CLIP1: variants seen among roughly 807,000 people sequenced by gnomAD.
CLIP1 encodes CAP-Gly domain-containing linker protein 1.
A neutral mutation model predicts 161.6 loss-of-function variants in CLIP1; 66 were observed. The ratio of observed to expected loss-of-function variants is 0.41; its 90% confidence interval spans 0.33 to 0.50. The LOEUF (loss-of-function observed/expected upper bound fraction) is 0.50. Ranked by LOEUF, CLIP1 falls within the 20% of genes least tolerant of loss-of-function variation. The pLI is 0.27. For synonymous variants in CLIP1, 598 were observed against 626.2 expected (o/e 0.96, Z 0.67); for missense variants, 1,376 against 1,702.0 (o/e 0.81, Z 3.37).
intron 1 of CLIP1, among the ~76,000 whole-genome samples, chr12:122,418,600 A>AT (rs896963282): frequency 2.0e-5 from 3 of 152,012 alleles, no homozygotes; most frequent in Non-Finnish European, 4.4e-5. Flanking sequence ...AGGAAAAAAA[A>AT]TTTTTTTAAT....
chr12:122,294,221 T>C (rs1313255987), intron 20 of CLIP1, among the ~76,000 whole-genome samples: 2 of 147,664 alleles, frequency 1.4e-5, no homozygotes, highest in African/African-American at 2.5e-5. Flanking sequence ...CCCAGCTACT[T>C]GGGAGGCTGA....
At chr12:122,415,397 C>G (rs867721159) in intron 1 of CLIP1, among the ~76,000 whole-genome samples, 10 of 149,334 alleles carry the variant, frequency 6.7e-5, no homozygotes, top group Non-Finnish European at 1.2e-4. Context: ...CAGGAGAATG[C>G]CGTGAACCTG....
chr12:122,291,563 G>A (rs892556255), intron 20 of CLIP1, among the ~76,000 whole-genome samples: 24 of 152,028 alleles, frequency 1.6e-4, no homozygotes, highest in African/African-American at 4.6e-4. Flanking sequence ...TTTCTAGAAC[G>A]TCAGTTTGGA....
chr12:122,422,714 G>GCGAC (rs1555289333), upstream of CLIP1: 2 of 92,156 alleles, frequency 2.2e-5, no homozygotes, highest in Admixed American at 2.2e-4. Context: ...CTCCGCCGCC[G>GCGAC]CGCCCGCCCG....
At chr12:122,306,105 C>A (rs1355861823) in intron 20 of CLIP1, among the ~76,000 whole-genome samples, 1 of 151,154 alleles carries the variant, frequency 6.6e-6, no homozygotes, top group Non-Finnish European at 1.5e-5. Flanking sequence ...ACTGGTTTAG[C>A]CTCCCAGCCT....
intron 19 of CLIP1, among the ~76,000 whole-genome samples, chr12:122,310,205 C>G (rs1316866649): frequency 1.3e-5 from 2 of 152,138 alleles, no homozygotes; most frequent in African/African-American, 4.8e-5. Flanking sequence ...TACAGCCCTC[C>G]TGTCTTTAGG....
At chr12:122,330,668 GAGCT>G (rs1951915257) in intron 15 of CLIP1, among the ~76,000 whole-genome samples, 1 of 132,886 alleles carries the variant, frequency 7.5e-6, no homozygotes, top group African/African-American at 2.8e-5. Flanking sequence ...GGTGCGATCT[GAGCT>G]CACGGCACCC....
intron 17 of CLIP1, among the ~76,000 whole-genome samples, chr12:122,325,469 T>C (rs1350784341): frequency 6.6e-6 from 1 of 151,904 alleles, no homozygotes; most frequent in East Asian, 1.9e-4. Flanking sequence ...ATGTAACAAA[T>C]TTAAATTTAT....
intron 1 of CLIP1, among the ~76,000 whole-genome samples, chr12:122,409,123 C>G (rs746659977): frequency 3.5e-5 from 5 of 142,262 alleles, no homozygotes; most frequent in Non-Finnish European, 6.1e-5. Flanking sequence ...TAATATTTTT[C>G]TTTTCTTTTT....
At chr12:122,275,640 A>G (rs60848877) in intron 24 of CLIP1, 1,556 of 86,370 alleles carry the variant, frequency 0.018, 31 homozygotes, top group African/African-American at 0.059. Context: ...ACACACACAC[A>G]CGCGCACACA....
intron 20 of CLIP1, among the ~76,000 whole-genome samples, chr12:122,295,115 G>T (rs1950419845): frequency 6.6e-6 from 1 of 150,838 alleles, no homozygotes; most frequent in African/African-American, 2.4e-5. Context: ...AATAGAAAAA[G>T]ATTTTCTCTT....
chr12:122,317,980 G>C (rs1399393457), intron 18 of CLIP1, among the ~76,000 whole-genome samples: 1 of 152,150 alleles, frequency 6.6e-6, no homozygotes, highest in Non-Finnish European at 1.5e-5. Context: ...TTCTAATTTT[G>C]ATTAACAGCT....
chr12:122,396,520 T>C (rs1955916175), intron 1 of CLIP1: 1 of 152,218 alleles, frequency 6.6e-6, no homozygotes, highest in African/African-American at 2.4e-5. Context: ...TGGTAATTTT[T>C]ATCTGTGTTT....
intron 1 of CLIP1, among the ~76,000 whole-genome samples, chr12:122,393,306 G>A (rs764698824): frequency 1.6e-4 from 25 of 151,588 alleles, no homozygotes; most frequent in Admixed American, 3.3e-4. Context: ...GATTACAGGC[G>A]TGTGCCACCA....
At chr12:122,339,676 A>C (rs1479428383) in intron 11 of CLIP1, among the ~76,000 whole-genome samples, 1 of 152,198 alleles carries the variant, frequency 6.6e-6, no homozygotes, top group Non-Finnish European at 1.5e-5. Context: ...GTTTTTATAC[A>C]TAACCCTATA....
chr12:122,350,605 T>C (rs866289054), intron 9 of CLIP1, among the ~76,000 whole-genome samples: 3 of 152,046 alleles, frequency 2.0e-5, no homozygotes, highest in African/African-American at 7.2e-5. Flanking sequence ...CACTGGCCAG[T>C]GGCGGGGGCA....
intron 5 of CLIP1, chr12:122,360,741 T>C (rs1593160910): frequency 4.0e-6 from 2 of 498,474 alleles, no homozygotes; most frequent in South Asian, 3.3e-5. Context: ...TTTAAGAATC[T>C]GAAAGGGACT....
chr12:122,389,798 G>C, intron 1 of CLIP1, among the ~76,000 whole-genome samples: 1 of 119,322 alleles, frequency 8.4e-6, no homozygotes, highest in Admixed American at 9.4e-5. Flanking sequence ...TTATAATGTA[G>C]TTGGGGAGAG....
At chr12:122,369,905 G>C (rs975273414) in intron 3 of CLIP1, among the ~76,000 whole-genome samples, 1 of 151,902 alleles carries the variant, frequency 6.6e-6, no homozygotes, top group Non-Finnish European at 1.5e-5. Context: ...GCTCACACCT[G>C]TAATTCCAGC....
Sources: allele counts gnomAD v4.1 joint callset (sites outside exome capture counted in the v4.1 genomes callset), GRCh38; gene constraint gnomAD v4.1.1; transcripts MANE v1.5; gene names NCBI Gene and HGNC (gene_info 2026-07-23, HGNC 2026-07-21).